The following PGM2L1 variants were observed in gnomAD, a reference collection of about 807,000 sequenced individuals.
PGM2L1 encodes the protein phosphoglucomutase 2 like 1.
PGM2L1 carries 35 observed loss-of-function variants against 73.4 expected under a neutral mutation model. The ratio of observed to expected loss-of-function variants is 0.48; its 90% CI spans 0.36 to 0.63. The LOEUF (loss-of-function observed/expected upper bound fraction) is 0.63. Ranked by LOEUF, PGM2L1 falls within the 30% of genes least tolerant of loss-of-function variation. The probability of loss-of-function intolerance (pLI) is 0.00; values close to 1 mark genes in which losing one functional copy is unlikely to be tolerated. For synonymous variants in PGM2L1, 225 were observed against 253.8 expected (o/e 0.89, Z 1.08); for missense variants, 570 against 742.0 (o/e 0.77, Z 2.69).
At chr11:74,350,236 A>G (rs969718205) in intron 6 of PGM2L1, among the ~76,000 whole-genome samples, 15 of 152,216 alleles carry the variant, frequency 9.9e-5, no homozygotes, top group African/African-American at 3.4e-4. Flanking sequence ...TGAAATTAAA[A>G]TAAAGTTGAG....
At chr11:74,380,538 C>A (rs1051664890) in intron 1 of PGM2L1, among the ~76,000 whole-genome samples, 2 of 151,772 alleles carry the variant, frequency 1.3e-5, no homozygotes, top group Non-Finnish European at 2.9e-5. Flanking sequence ...AAAATCATAT[C>A]CATGAAATGA....
intron 5 of PGM2L1, among the ~76,000 whole-genome samples, chr11:74,362,646 C>T (rs935122975): frequency 1.1e-4 from 16 of 152,128 alleles, no homozygotes; most frequent in African/African-American, 2.4e-4. Context: ...ATTCAGGAGA[C>T]GCATCTCACG....
rs1298590575 is a variant in PGM2L1 at position 74,342,887 on chromosome 11, T to C, written c.1440A>G (p.Glu480=). 4 of 1,590,096 alleles carry C rather than the reference T, an allele frequency of 2.5e-6. No individual in the cohort carries two copies. Among genetic ancestry groups the C allele is most frequent in the Non-Finnish European group, 3.4e-6 (4 of 1,172,924 alleles). Residue 480 remains glutamate (E), a splice_region_variant and synonymous_variant, in exon 11 of 14, where the codon GAA becomes GAG. Transcript: ENST00000298198. ...AAATTCATAATAGTAGAACTTACTT[T>C]TCATAAACCTTAACCAGTTGCTGTT... ...TLKQQLVKVY[E]KYGYHISKTS...
intron 12 of PGM2L1, 22 bp from the exon 13 acceptor site, chr11:74,338,623 G>A (rs1349617601): frequency 2.6e-6 from 4 of 1,565,440 alleles, no homozygotes; most frequent in Admixed American, 3.5e-5. Context: ...GGCAACAACA[G>A]CTTAATTATA....
chr11:74,379,119 T>C (rs1862901371), intron 1 of PGM2L1, among the ~76,000 whole-genome samples: 2 of 152,222 alleles, frequency 1.3e-5, no homozygotes, highest in Non-Finnish European at 2.9e-5. Flanking sequence ...CTCATGGTTC[T>C]GCAGGCTGTA....
At chr11:74,396,576 G>A (rs1265545779) in intron 1 of PGM2L1, among the ~76,000 whole-genome samples, 6 of 152,026 alleles carry the variant, frequency 3.9e-5, no homozygotes, top group African/African-American at 1.4e-4. Context: ...CACCGCGCCC[G>A]GCTAATTTTT....
At chr11:74,389,947 CAAAAAA>C (rs71065078) in intron 1 of PGM2L1, among the ~76,000 whole-genome samples, 9 of 38,570 alleles carry the variant, frequency 2.3e-4, no homozygotes, top group Non-Finnish European at 2.6e-4. Flanking sequence ...ACTAAAAATA[CAAAAAA>C]AAAAAAAAAA....
chr11:74,364,728 T>C (rs1038854367), intron 5 of PGM2L1, among the ~76,000 whole-genome samples: 4 of 152,162 alleles, frequency 2.6e-5, no homozygotes, highest in African/African-American at 9.7e-5. Context: ...CACAAACAAA[T>C]GGAAGAACAT....
rs192217335 is a variant in PGM2L1 at position 74,374,596 on chromosome 11, G to A, written c.112-14C>T. 4.3e-3 allele frequency: 6,962 copies of A among 1,609,380 alleles called. 84 individuals carry two copies. The highest frequency in any genetic ancestry group is 0.034 in the Middle Eastern group (205 of 6,040). The stretch of plus-strand genomic sequence containing the variant: ...TGTTTTGGGATTCTATAAAAAAGAA[G>A]TATTAAAACTTAACCAGGAATCCAA... On this transcript the variant is annotated splice_polypyrimidine_tract_variant and intron_variant, in intron 1 of 13. Transcript: ENST00000298198.
At position 74,347,261 on chromosome 11, in the gene PGM2L1, C is replaced by T; in HGVS notation, c.826G>A (p.Ala276Thr). 6.2e-7 allele frequency: 1 copy of T among 1,613,220 alleles called. No homozygotes were observed. Among genetic ancestry groups the T allele is most frequent in the Non-Finnish European group, 8.5e-7 (1 of 1,179,512 alleles). The change falls in exon 7 of 14, where the codon GCT becomes ACT. Residue 276 changes from alanine (A) to threonine (T), a missense_variant. Physicochemically the swap from Ala to Thr is moderately conservative, Grantham distance 58 (BLOSUM62 0). Coordinates refer to ENST00000298198, the MANE Select transcript of PGM2L1 (RefSeq NM_173582.6). ...HGVGHDYVQL[A>T]FKVFGFKPPI... The stretch of plus-strand genomic sequence containing the variant: ...GGCTTAAAACCAAACACTTTAAAAG[C>T]CAACTGCACATAGTCATGTCCGACC...
intron 5 of PGM2L1, among the ~76,000 whole-genome samples, chr11:74,367,934 A>G (rs1862687460): frequency 6.6e-6 from 1 of 152,196 alleles, no homozygotes; most frequent in Non-Finnish European, 1.5e-5. Context: ...CATAAGAAGA[A>G]AAACAAATAC....
chr11:74,376,987 T>G (rs1862863857), intron 1 of PGM2L1, among the ~76,000 whole-genome samples: 1 of 152,046 alleles, frequency 6.6e-6, no homozygotes, highest in African/African-American at 2.4e-5. Flanking sequence ...CCTAAAAAAC[T>G]ATCTATGCAG....
chr11:74,368,314 G>A (rs1301907579), intron 5 of PGM2L1, among the ~76,000 whole-genome samples, 178 bp downstream of exon 5: 1 of 152,216 alleles, frequency 6.6e-6, no homozygotes, highest in Non-Finnish European at 1.5e-5. Flanking sequence ...TGTACACATT[G>A]AGAAGTAATA....
At chr11:74,380,009 TCTAAA>T (rs1166978657) in intron 1 of PGM2L1, among the ~76,000 whole-genome samples, 1 of 152,138 alleles carries the variant, frequency 6.6e-6, no homozygotes, top group East Asian at 1.9e-4. Flanking sequence ...CTCAAATACT[TCTAAA>T]GTTGCAAAAT....
chr11:74,354,461 C>T, intron 5 of PGM2L1: 1 of 858,932 alleles, frequency 1.2e-6, no homozygotes, highest in Non-Finnish European at 1.9e-6. Context: ...GTCAGAGTCT[C>T]CTAAAGAGCC....
chr11:74,330,763 G>C lies in PGM2L1; in HGVS notation c.*5889C>G, dbSNP rs1034726354. On this transcript the variant is annotated 3_prime_UTR_variant, in exon 14 of 14. Coordinates refer to ENST00000298198, the MANE Select transcript of PGM2L1 (RefSeq NM_173582.6). ...TAGGCTCAAAATGACACTTAGACTAGTGATATTAAGTCTACATAGACACCA... is the reference window on the plus strand; with the variant it reads ...TAGGCTCAAAATGACACTTAGACTACTGATATTAAGTCTACATAGACACCA... 4 of 152,582 alleles carry C rather than the reference G, an allele frequency of 2.6e-5. No individual in the cohort carries two copies. Among genetic ancestry groups the C allele is most frequent in the African/African-American group, 9.7e-5 (4 of 41,420 alleles). 9.5% of individuals were successfully genotyped at this position (152,582 alleles called of 1,614,324 possible). A position where few individuals can be genotyped will look rare whatever the true frequency, so the allele number is the denominator to read the frequency against.
chr11:74,347,102 T>C (rs1457374875), intron 7 of PGM2L1, 46 bp downstream of exon 7: 1 of 1,366,052 alleles, frequency 7.3e-7, no homozygotes, highest in Non-Finnish European at 9.8e-7. Context: ...CTATCTATTC[T>C]GATGGTTTAA....
intron 12 of PGM2L1, among the ~76,000 whole-genome samples, chr11:74,338,860 G>A (rs765710590): frequency 3.3e-5 from 5 of 151,946 alleles, no homozygotes; most frequent in South Asian, 2.1e-4. Flanking sequence ...TAACACTACC[G>A]AACTATACAC....
chr11:74,378,106 A>G (rs1476151330), intron 1 of PGM2L1, among the ~76,000 whole-genome samples: 1 of 152,198 alleles, frequency 6.6e-6, no homozygotes, highest in Non-Finnish European at 1.5e-5. Context: ...GTTCAAGACC[A>G]GTCTGGCCAA....
Sources: allele counts gnomAD v4.1 joint callset (sites outside exome capture counted in the v4.1 genomes callset), GRCh38; gene constraint gnomAD v4.1.1; transcripts MANE v1.5; gene names NCBI Gene and HGNC (gene_info 2026-07-23, HGNC 2026-07-21).